NAPG: variants seen among roughly 807,000 people sequenced by gnomAD.
The protein encoded by NAPG is gamma-soluble NSF attachment protein.
NAPG carries 25 observed loss-of-function variants against 48.4 expected under a neutral mutation model. The observed-to-expected ratio is 0.52, with a 90% CI of 0.38 to 0.72. NAPG has a LOEUF of 0.72. Ranked by LOEUF, NAPG falls within the 30% of genes least tolerant of loss-of-function variation. NAPG has a pLI of 0.00. For missense variants in NAPG, 359 were observed against 372.5 expected, an observed-to-expected ratio of 0.96 and a Z score of 0.30; for synonymous variants, 139 against 127.2, an observed-to-expected ratio of 1.09 and a Z score of -0.62.
In NAPG at chr18:10,550,199, A is replaced by G; in HGVS notation, c.918A>G (p.Glu306=). Residue 306 remains glutamate, a synonymous_variant, in exon 12 of 12, where the codon GAA becomes GAG. Transcript: ENST00000322897. ...CGGCTGCTGATGAAGAGGAAGATGA[A>G]TACTCAGGAGGACTATGCTAGTATT... is the stretch of plus-strand genomic sequence containing the variant. ...TATAADEEED[E]YSGGLC 7 of 1,589,994 alleles carry G rather than the reference A, an allele frequency of 4.4e-6. No homozygotes were observed. The highest frequency in any genetic ancestry group is 6.0e-6 in the Non-Finnish European group (7 of 1,170,004).
At chr18:10,531,327 C>A (rs1008472560) in intron 2 of NAPG, among the ~76,000 whole-genome samples, 5 of 152,092 alleles carry the variant, frequency 3.3e-5, no homozygotes, top group Non-Finnish European at 5.9e-5. Flanking sequence ...AAGCTATATA[C>A]ATATTTTAAT....
In NAPG at chr18:10,533,181, A is replaced by G. The variant is rs2031965277; in HGVS notation, c.210-355A>G. ...CTTAGGTATTTGAAATAAAAATTAT[A>G]AGTAGTTTAAAACAGTACATTTTCT... On this transcript the variant is annotated intron_variant, in intron 3 of 11. Coordinates refer to ENST00000322897, the MANE Select transcript of NAPG (RefSeq NM_003826.3). 1.2e-5 allele frequency: 3 copies of G among 257,908 alleles called. No individual in the cohort carries two copies. The South Asian group carries it at 3.5e-4, about 30-fold the overall frequency. 16.0% of individuals were successfully genotyped at this position (257,908 alleles called of 1,614,324 possible). A position where few individuals can be genotyped will look rare whatever the true frequency, so the allele number is the denominator to read the frequency against.
chr18:10,550,262 C>A lies in NAPG; in HGVS notation c.*42C>A. On this transcript the variant is annotated 3_prime_UTR_variant, in exon 12 of 12. Coordinates refer to ENST00000322897, the MANE Select transcript of NAPG (RefSeq NM_003826.3). Reference sequence around the variant, plus strand: ...AAGAAAAGGGAAACAAAGGTAAAATCCTGACATGCCATTTCAAGGACTTGG... The same window carrying A: ...AAGAAAAGGGAAACAAAGGTAAAATACTGACATGCCATTTCAAGGACTTGG... 6.5e-7 allele frequency: 1 copy of A among 1,550,128 alleles called. No homozygotes were observed. Among genetic ancestry groups the A allele is most frequent in the Non-Finnish European group, 8.7e-7 (1 of 1,153,018 alleles).
Position 10,551,242 on chromosome 18 carries a change from A to G in NAPG, c.*1022A>G, listed in dbSNP as rs535318603. The G allele has an allele frequency of 6.6e-6, 1 of 152,110 alleles. No homozygotes were observed. The highest frequency in any genetic ancestry group is 2.1e-4 in the South Asian group (1 of 4,812). 9.4% of individuals were successfully genotyped at this position (152,110 alleles called of 1,614,324 possible). Reference sequence around the variant, plus strand: ...ATAAGCCACCTCACCCAGCCTATGAATATCTTTCTAACATTGTAAGAATGA... The same window carrying G: ...ATAAGCCACCTCACCCAGCCTATGAGTATCTTTCTAACATTGTAAGAATGA... On this transcript the variant is annotated 3_prime_UTR_variant, in exon 12 of 12. Coordinates refer to ENST00000322897, the MANE Select transcript of NAPG (RefSeq NM_003826.3).
intron 5 of NAPG, among the ~76,000 whole-genome samples, chr18:10,536,414 A>G (rs967001660): frequency 1.3e-5 from 2 of 152,196 alleles, no homozygotes; most frequent in Admixed American, 1.3e-4. Context: ...GCCATTTTGT[A>G]GACATATGCA....
chr18:10,544,952 A>G lies in NAPG; in HGVS notation c.507-1374A>G, dbSNP rs1226088784. ...TCATGATGTAAGTAGCCATAATAGC[A>G]TAAGCCAAGCCACTGTGTGTGTGGT... On this transcript the variant is annotated intron_variant, in intron 8 of 11. Coordinates refer to ENST00000322897, the MANE Select transcript of NAPG (RefSeq NM_003826.3). This position sits in a 1 kb window ranked among gnomAD's most constrained non-coding sequence, Gnocchi z 5.1. Among the ~76,000 whole-genome samples the G allele has an allele frequency of 6.6e-6, 1 of 152,152 alleles. No homozygotes were observed. Among genetic ancestry groups the G allele is most frequent in the African/African-American group, 2.4e-5 (1 of 41,428 alleles).
chr18:10,547,554 AATTATTTTT>A (rs150478662), intron 9 of NAPG, among the ~76,000 whole-genome samples: 7,859 of 152,228 alleles, frequency 0.052, 581 homozygotes, highest in African/African-American at 0.17. Context: ...TTATAGGAAA[AATTATTTTT>A]ATAGAAACTA....
chr18:10,532,845 C>A, intron 3 of NAPG, 50 bp downstream of exon 3: 1 of 1,439,882 alleles, frequency 6.9e-7, no homozygotes, highest in Non-Finnish European at 9.4e-7. Flanking sequence ...ATGATTTTGA[C>A]AAGCTGTTTT....
Position 10,526,089 on chromosome 18 carries a change from A to T in NAPG, c.-14A>T, listed in dbSNP as rs369828767. On this transcript the variant is annotated 5_prime_UTR_variant, in exon 1 of 12. Transcript: ENST00000322897. ...GGGTCACCCTCTCTCCACGTCAGAG[A>T]CCTGACTGTGGAGATGGCGGCTCAG... The T allele has an allele frequency of 2.5e-6, 4 of 1,612,108 alleles. No individual in the cohort carries two copies. The African/African-American group carries it at 4.0e-5, about 16-fold the overall frequency.
Position 10,548,855 on chromosome 18 carries a change from T to TAAAA in NAPG, c.666-110_666-109insAAAA, listed in dbSNP as rs2032323835. 1.5e-6 allele frequency: 2 copies of TAAAA among 1,364,390 alleles called. No individual in the cohort carries two copies. Among genetic ancestry groups the TAAAA allele is most frequent in the Admixed American group, 4.9e-5 (2 of 40,752 alleles). 84.5% of individuals were successfully genotyped at this position (1,364,390 alleles called of 1,614,324 possible). On this transcript the variant is annotated intron_variant, in intron 10 of 11. Coordinates refer to ENST00000322897, the MANE Select transcript of NAPG (RefSeq NM_003826.3). The surrounding 1 kb of genome is among the most constrained non-coding windows in gnomAD (Gnocchi z 4.4). Reference sequence around the variant, plus strand: ...GATGCCACTAGCATTCCCACACTTTTAAGTACCAAAATGTCTCCAGACAGT... The same window carrying TAAAA: ...GATGCCACTAGCATTCCCACACTTTTAAAAAAGTACCAAAATGTCTCCAGACAGT...
At position 10,548,519 on chromosome 18, in the gene NAPG, T is replaced by G. The variant is rs1450240740; in HGVS notation, c.665+141T>G. 1 of 643,878 alleles carries G rather than the reference T, an allele frequency of 1.6e-6. No individual in the cohort carries two copies. Among genetic ancestry groups the G allele is most frequent in the East Asian group, 2.8e-5 (1 of 35,858 alleles). The allele number at this position is 643,878 out of a possible 1,614,324, so 39.9% of individuals were successfully genotyped here. A position where few individuals can be genotyped will look rare whatever the true frequency, so the allele number is the denominator to read the frequency against. ...GAGTGCTCATCTACCATTTCATCTT[T>G]TACAGTGGGTGTTTTACACCTTTTT... On this transcript the variant is annotated intron_variant, in intron 10 of 11. Coordinates refer to ENST00000322897, the MANE Select transcript of NAPG (RefSeq NM_003826.3). The surrounding 1 kb of genome is among the most constrained non-coding windows in gnomAD (Gnocchi z 4.4).
At chr18:10,549,222 A>G (rs959580981) in intron 11 of NAPG, 126 bp downstream of exon 11, 4 of 1,104,656 alleles carry the variant, frequency 3.6e-6, no homozygotes, top group South Asian at 1.7e-5. Flanking sequence ...TCAAGCTACT[A>G]CTCATAAGGA....
At position 10,550,085 on chromosome 18, in the gene NAPG, G is replaced by A; in HGVS notation, c.804G>A (p.Lys268=). 1 of 1,563,090 alleles carries A rather than the reference G, an allele frequency of 6.4e-7. No individual in the cohort carries two copies. ...LFKYMDNDYA[K]LGLSLVVPGG... ...TGTTCTGTTGTTGACAGTATGCTAA[G>A]CTGGGCCTGAGTTTGGTGGTTCCAG... is the stretch of plus-strand genomic sequence containing the variant. The change falls in exon 12 of 12, where the codon AAG becomes AAA. Residue 268 remains lysine, a synonymous_variant. Coordinates refer to ENST00000322897, the MANE Select transcript of NAPG (RefSeq NM_003826.3).
chr18:10,550,245 G>T lies in NAPG; in HGVS notation c.*25G>T. The T allele has an allele frequency of 6.4e-7, 1 of 1,562,818 alleles. No individual in the cohort carries two copies. The highest frequency in any genetic ancestry group is 1.4e-5 in the African/African-American group (1 of 71,646). On this transcript the variant is annotated 3_prime_UTR_variant, in exon 12 of 12. Coordinates refer to ENST00000322897, the MANE Select transcript of NAPG (RefSeq NM_003826.3). The stretch of plus-strand genomic sequence containing the variant: ...GTATTTTGCTTGCTGAAAAGAAAAG[G>T]GAAACAAAGGTAAAATCCTGACATG...
rs1567894600 is a variant in NAPG at position 10,548,217 on chromosome 18, C to T, written c.586-82C>T. ...ACAAACAAAGACTCTGAAAGTTAAA[C>T]TCCAGGTGTTTTCAATACTGCCAGG... On this transcript the variant is annotated intron_variant, in intron 9 of 11. Transcript: ENST00000322897. The surrounding 1 kb of genome is among the most constrained non-coding windows in gnomAD (Gnocchi z 4.4). 5.2e-6 allele frequency: 5 copies of T among 964,442 alleles called. No homozygotes were observed. The highest frequency in any genetic ancestry group is 5.0e-6 in the Non-Finnish European group (3 of 603,064). The allele number at this position is 964,442 out of a possible 1,614,324, so 59.7% of individuals were successfully genotyped here.
rs76533411 is a variant in NAPG at position 10,551,252 on chromosome 18, A to G, written c.*1032A>G. 3 of 152,198 alleles carry G rather than the reference A, an allele frequency of 2.0e-5. No homozygotes were observed. The highest frequency in any genetic ancestry group is 1.9e-4 in the East Asian group (1 of 5,184). The allele number at this position is 152,198 out of a possible 1,614,324, so 9.4% of individuals were successfully genotyped here. On this transcript the variant is annotated 3_prime_UTR_variant, in exon 12 of 12. Transcript: ENST00000322897. ...TCACCCAGCCTATGAATATCTTTCT[A>G]ACATTGTAAGAATGAGGTAATGTTT...
intron 5 of NAPG, among the ~76,000 whole-genome samples, chr18:10,536,284 T>C (rs1207719972): frequency 6.6e-6 from 1 of 152,230 alleles, no homozygotes; most frequent in Non-Finnish European, 1.5e-5. Context: ...TTAAATGCCT[T>C]TGGACACTGT....
intron 1 of NAPG, among the ~76,000 whole-genome samples, chr18:10,530,280 C>T (rs2031903466): frequency 7.1e-6 from 1 of 141,234 alleles, no homozygotes; most frequent in African/African-American, 2.6e-5. Flanking sequence ...TCTCTCTCTG[C>T]AGTCTCACTA....
chr18:10,539,965 A>G lies in NAPG; in HGVS notation c.369-23A>G. ...ACAAGTTTTCCATTTCTCATATAAG[A>G]CATGTTTTCTTGTCTGATTCAGGCT... On this transcript the variant is annotated intron_variant, in intron 6 of 11. Transcript: ENST00000322897. The surrounding 1 kb of genome is among the most constrained non-coding windows in gnomAD (Gnocchi z 4.7). The G allele has an allele frequency of 6.2e-7, 1 of 1,607,352 alleles. No individual in the cohort carries two copies. Among genetic ancestry groups the G allele is most frequent in the Non-Finnish European group, 8.5e-7 (1 of 1,176,110 alleles).
Sources: gnomAD v4.1 joint callset for allele counts (sites outside exome capture counted in the v4.1 genomes callset) on GRCh38, gnomAD v4.1.1 for gene constraint, Gnocchi (gnomAD v3.1) non-coding constraint, MANE v1.5 for transcripts, NCBI Gene and HGNC (gene_info 2026-07-23, HGNC 2026-07-21) for gene names.